Variants in ANXA10 observed in about 807,000 individuals in gnomAD.
ANXA10 encodes the protein annexin 14.
A neutral mutation model predicts 53.5 loss-of-function variants in ANXA10; 49 were observed. That is an observed-to-expected ratio of 0.92 (90% CI 0.73 to 1.16). ANXA10 has a LOEUF of 1.16. ANXA10 is among the 50% of genes most tolerant of loss of function. The probability of loss-of-function intolerance (pLI) is 0.00; values close to 1 mark genes in which losing one functional copy is unlikely to be tolerated. For synonymous variants in ANXA10, 131 were observed against 128.9 expected (o/e 1.02, Z -0.11); for missense variants, 393 against 394.4 (o/e 1.00, Z 0.03).
At chr4:168,187,245 A>T (rs1010852348) in intron 11 of ANXA10, 121 bp from the exon 12 acceptor site, 3 of 518,124 alleles carry the variant, frequency 5.8e-6, no homozygotes, top group Non-Finnish European at 9.7e-6. Context: ...TGAGAAAAGT[A>T]AATAAGTTTA....
chr4:168,120,450 G>A (rs569067260), intron 1 of ANXA10, among the ~76,000 whole-genome samples: 1 of 151,844 alleles, frequency 6.6e-6, no homozygotes, highest in South Asian at 2.1e-4. Flanking sequence ...TAACACTTCA[G>A]GAACAAAAAA....
At chr4:168,146,548 T>A (rs756500292) in intron 3 of ANXA10, among the ~76,000 whole-genome samples, 11 of 152,172 alleles carry the variant, frequency 7.2e-5, no homozygotes, top group Non-Finnish European at 1.2e-4. Context: ...AAACATAGAA[T>A]GCTTTACCAT....
intron 1 of ANXA10, among the ~76,000 whole-genome samples, chr4:168,114,462 T>C (rs912505256): frequency 6.6e-5 from 10 of 152,246 alleles, no homozygotes; most frequent in African/African-American, 2.2e-4. Context: ...ATTTGACTAA[T>C]TAGTTTAAGG....
chr4:168,182,549 G>A (rs1206709168), intron 10 of ANXA10, among the ~76,000 whole-genome samples: 1 of 148,212 alleles, frequency 6.7e-6, no homozygotes, highest in East Asian at 2.0e-4. Flanking sequence ...TACCCAGGAT[G>A]GTCTCGATTT....
chr4:168,173,373 T>G (rs997322807), intron 6 of ANXA10, among the ~76,000 whole-genome samples: 1 of 152,202 alleles, frequency 6.6e-6, no homozygotes, highest in African/African-American at 2.4e-5. Flanking sequence ...GAAGCCATTT[T>G]AAGGACTTTG....
chr4:168,118,246 A>G (rs1046969466), intron 1 of ANXA10, among the ~76,000 whole-genome samples: 2 of 152,230 alleles, frequency 1.3e-5, no homozygotes, highest in African/African-American at 4.8e-5. Flanking sequence ...AGCATGGGAC[A>G]GCAAAGAAAT....
intron 1 of ANXA10, among the ~76,000 whole-genome samples, chr4:168,105,643 T>C (rs915124202): frequency 2.0e-5 from 3 of 152,118 alleles, no homozygotes; most frequent in Non-Finnish European, 2.9e-5. Context: ...AGTAGTGAGA[T>C]TGCTGGGTCA....
intron 1 of ANXA10, among the ~76,000 whole-genome samples, chr4:168,102,944 A>G (rs778094314): frequency 9.9e-5 from 15 of 152,112 alleles, no homozygotes; most frequent in Non-Finnish European, 1.9e-4. Flanking sequence ...GGGTAATGAT[A>G]TTGATCATAT....
intron 8 of ANXA10, 89 bp from the exon 9 acceptor site, chr4:168,179,128 A>C: frequency 1.2e-6 from 1 of 822,390 alleles, no homozygotes. Flanking sequence ...TATTTTATGG[A>C]AAATATGGAT....
chr4:168,150,136 C>A (rs1018270509), intron 3 of ANXA10, among the ~76,000 whole-genome samples: 3 of 152,114 alleles, frequency 2.0e-5, no homozygotes, highest in Non-Finnish European at 4.4e-5. Flanking sequence ...TTACATCAAG[C>A]GGTTTCTCTT....
At chr4:168,117,360 TTTAA>T (rs1304964773) in intron 1 of ANXA10, among the ~76,000 whole-genome samples, 1 of 152,240 alleles carries the variant, frequency 6.6e-6, no homozygotes, top group East Asian at 1.9e-4. Context: ...AATAACTCCT[TTTAA>T]AAATACAACC....
intron 11 of ANXA10, among the ~76,000 whole-genome samples, chr4:168,184,972 G>T (rs1732337322): frequency 6.6e-6 from 1 of 152,062 alleles, no homozygotes; most frequent in African/African-American, 2.4e-5. Flanking sequence ...GGCTAACACG[G>T]TGAAACCCCG....
At chr4:168,124,932 A>C (rs1731044092) in intron 1 of ANXA10, among the ~76,000 whole-genome samples, 1 of 152,202 alleles carries the variant, frequency 6.6e-6, no homozygotes, top group Non-Finnish European at 1.5e-5. Context: ...GTCTGTATTA[A>C]GTAGTAACAA....
chr4:168,187,276 C>G, intron 11 of ANXA10, 90 bp from the exon 12 acceptor site: 1 of 759,546 alleles, frequency 1.3e-6, no homozygotes, highest in Non-Finnish European at 2.0e-6. Flanking sequence ...TGGTCCATGG[C>G]TCTTTCATAG....
chr4:168,176,801 G>A (rs1413951870), intron 6 of ANXA10, among the ~76,000 whole-genome samples: 1 of 151,632 alleles, frequency 6.6e-6, no homozygotes, highest in African/African-American at 2.4e-5. Flanking sequence ...AGGAGTTCAA[G>A]ACCAGCCTTG....
intron 11 of ANXA10, among the ~76,000 whole-genome samples, chr4:168,186,085 A>G (rs1732364014): frequency 6.6e-6 from 1 of 152,244 alleles, no homozygotes; most frequent in African/African-American, 2.4e-5. Flanking sequence ...GGCACTTATT[A>G]TAATTAATCA....
chr4:168,100,539 C>A (rs554743796), intron 1 of ANXA10, among the ~76,000 whole-genome samples: 2 of 152,186 alleles, frequency 1.3e-5, no homozygotes, highest in African/African-American at 4.8e-5. Context: ...GTATGGGGTG[C>A]TCTTCAAAGT....
intron 3 of ANXA10, among the ~76,000 whole-genome samples, chr4:168,147,375 A>T (rs187531067): frequency 6.6e-6 from 1 of 152,190 alleles, no homozygotes; most frequent in Non-Finnish European, 1.5e-5. Context: ...GGAAGGCAGC[A>T]AGTTTAAAAC....
Position 168,178,000 on chromosome 4 carries a change from T to C in ANXA10, c.628+17T>C. On this transcript the variant is annotated intron_variant, in intron 8 of 11. Transcript: ENST00000359299. Reference sequence around the variant, plus strand: ...TGCGGCTGGGTAATTATTAACTGGGTTTCGTTCCAGCTACTTGACCAATTA... The same window carrying C: ...TGCGGCTGGGTAATTATTAACTGGGCTTCGTTCCAGCTACTTGACCAATTA... 1 of 1,609,900 alleles carries C rather than the reference T, an allele frequency of 6.2e-7. No homozygotes were observed. Among genetic ancestry groups the C allele is most frequent in the Non-Finnish European group, 8.5e-7 (1 of 1,177,472 alleles).
Sources: allele counts gnomAD v4.1 joint callset (sites outside exome capture counted in the v4.1 genomes callset), GRCh38; gene constraint gnomAD v4.1.1; transcripts MANE v1.5; gene names NCBI Gene and HGNC (gene_info 2026-07-23, HGNC 2026-07-21).